The following RYR2 variants were observed in gnomAD, a reference collection of about 807,000 sequenced individuals.
RYR2 encodes ryanodine receptor 2.
Under a neutral mutation model 601.1 loss-of-function variants are expected in RYR2, and 227 were observed. The ratio of observed to expected loss-of-function variants is 0.38; its 90% CI spans 0.34 to 0.42. The LOEUF is 0.42. RYR2 is among the 10% of genes least tolerant of loss of function. RYR2 has a pLI of 1.00. For synonymous variants in RYR2, 2,223 were observed against 2,175.1 expected (o/e 1.02, Z -0.61); for missense variants, 4,646 against 6,156.5 (o/e 0.75, Z 8.21).
intron 6 of RYR2, among the ~76,000 whole-genome samples, chr1:237,372,674 G>A (rs1700731909): frequency 1.3e-5 from 2 of 152,184 alleles, no homozygotes; most frequent in Non-Finnish European, 2.9e-5. Context: ...TAATAAATGT[G>A]AGGGTTTCTT....
chr1:237,277,049 G>A (rs1048052842), intron 2 of RYR2, among the ~76,000 whole-genome samples: 12 of 152,070 alleles, frequency 7.9e-5, no homozygotes, highest in African/African-American at 2.7e-4. Context: ...ATAAACCAAT[G>A]TTGCATTAAA....
At chr1:237,234,861 T>G (rs1685393280) in intron 1 of RYR2, among the ~76,000 whole-genome samples, 1 of 152,190 alleles carries the variant, frequency 6.6e-6, no homozygotes, top group Admixed American at 6.5e-5. Context: ...GCTTCTGTCA[T>G]CAAGAAGCTT....
intron 1 of RYR2, among the ~76,000 whole-genome samples, chr1:237,253,287 G>A (rs900367593): frequency 6.6e-6 from 1 of 151,968 alleles, no homozygotes; most frequent in African/African-American, 2.4e-5. Flanking sequence ...AGTGACAGGT[G>A]AGTTACCTGG....
intron 9 of RYR2, among the ~76,000 whole-genome samples, chr1:237,387,728 T>C (rs1233765286): frequency 6.6e-6 from 1 of 152,224 alleles, no homozygotes; most frequent in East Asian, 1.9e-4. Flanking sequence ...TCATGCCTTA[T>C]AGCTGGAATA....
At chr1:237,216,475 T>G (rs1354346320) in intron 1 of RYR2, among the ~76,000 whole-genome samples, 1 of 152,150 alleles carries the variant, frequency 6.6e-6, no homozygotes, top group Non-Finnish European at 1.5e-5. Context: ...CGGTGGCTCA[T>G]GCCTGTAATC....
chr1:237,616,468 C>T (rs1205520651), intron 37 of RYR2, among the ~76,000 whole-genome samples: 1 of 152,126 alleles, frequency 6.6e-6, no homozygotes, highest in Admixed American at 6.6e-5. Flanking sequence ...TGATCTCATC[C>T]ATAACCCAGA....
intron 10 of RYR2, among the ~76,000 whole-genome samples, chr1:237,414,772 C>G (rs142148723): frequency 6.6e-6 from 1 of 152,288 alleles, no homozygotes; most frequent in East Asian, 1.9e-4. Flanking sequence ...TAGAACCTAT[C>G]TCTCCAATCT....
Position 237,601,943 on chromosome 1 carries a change from T to G in RYR2, c.4597-82T>G, listed in dbSNP as rs560201697. ...ATCTCTGGGCTCCTTCTGTAAAGTA[T>G]TCCTTTGTTGTTATAAAGAAAAACT... On this transcript the variant is annotated intron_variant, in intron 34 of 104. Transcript: ENST00000366574. 98 of 1,128,468 alleles carry G rather than the reference T, an allele frequency of 8.7e-5. No individual in the cohort carries two copies. In the South Asian group the frequency reaches 1.1e-3, roughly 13 times the overall value. 69.9% of individuals were successfully genotyped at this position (1,128,468 alleles called of 1,614,324 possible).
chr1:237,530,195 T>C (rs1462232455), intron 24 of RYR2, among the ~76,000 whole-genome samples: 4 of 151,858 alleles, frequency 2.6e-5, no homozygotes, highest in Non-Finnish European at 4.4e-5. Flanking sequence ...CCTGTAGTCC[T>C]GGCTACTTGG....
intron 12 of RYR2, among the ~76,000 whole-genome samples, chr1:237,436,697 A>T (rs1707416611): frequency 6.6e-6 from 1 of 151,448 alleles, no homozygotes; most frequent in Non-Finnish European, 1.5e-5. Context: ...GGCTATTAAG[A>T]AATCAATAAA....
intron 12 of RYR2, among the ~76,000 whole-genome samples, chr1:237,427,782 CAAAAAAAAA>C (rs57614793): frequency 3.6e-4 from 20 of 56,190 alleles, no homozygotes; most frequent in African/African-American, 1.3e-3. Flanking sequence ...GACTCTGCCT[CAAAAAAAAA>C]AAAAAAAAAA....
intron 1 of RYR2, among the ~76,000 whole-genome samples, chr1:237,269,713 T>G (rs1315683028): frequency 2.0e-5 from 3 of 152,194 alleles, no homozygotes; most frequent in African/African-American, 7.2e-5. Flanking sequence ...AGAAATTCAG[T>G]ACTTTGCCTC....
intron 67 of RYR2, among the ~76,000 whole-genome samples, chr1:237,706,663 T>C (rs1049500460): frequency 6.6e-6 from 1 of 152,118 alleles, no homozygotes; most frequent in African/African-American, 2.4e-5. Context: ...AAATGGCTTG[T>C]AGGTCATGAG....
chr1:237,220,397 T>C (rs938368174), intron 1 of RYR2, among the ~76,000 whole-genome samples: 2 of 152,210 alleles, frequency 1.3e-5, no homozygotes, highest in Non-Finnish European at 2.9e-5. Flanking sequence ...TGACCGGTGG[T>C]GTGCTGTTGG....
chr1:237,615,783 C>G (rs1678401098), intron 37 of RYR2, among the ~76,000 whole-genome samples: 1 of 152,142 alleles, frequency 6.6e-6, no homozygotes, highest in Admixed American at 6.5e-5. Context: ...GCATTAAATA[C>G]TCTGAAGGCA....
intron 91 of RYR2, among the ~76,000 whole-genome samples, chr1:237,787,597 CAA>C (rs778668137): frequency 0.013 from 814 of 60,362 alleles, 1 homozygote; most frequent in East Asian, 0.036. Flanking sequence ...GTCTCAAAAA[CAA>C]AAAAAAAAAA....
chr1:237,756,249 C>A, intron 80 of RYR2, 39 bp from the exon 81 acceptor site: 1 of 1,360,618 alleles, frequency 7.3e-7, no homozygotes, highest in Non-Finnish European at 1.1e-6. Context: ...GTTGTGCTTA[C>A]TGATACCCTC....
chr1:237,630,914 T>C (rs1559139981), intron 41 of RYR2, among the ~76,000 whole-genome samples: 1 of 152,174 alleles, frequency 6.6e-6, no homozygotes, highest in Non-Finnish European at 1.5e-5. Flanking sequence ...ATGAATCCTT[T>C]TAAGTATTTG....
intron 1 of RYR2, 164 bp from the exon 2 acceptor site, chr1:237,270,333 A>G: frequency 1.0e-6 from 1 of 981,554 alleles, no homozygotes; most frequent in South Asian, 1.4e-5. Context: ...TACGTGAGGG[A>G]TTGATTCCGT....
Sources: allele counts gnomAD v4.1 joint callset (sites outside exome capture counted in the v4.1 genomes callset), GRCh38; gene constraint gnomAD v4.1.1; transcripts MANE v1.5; gene names NCBI Gene and HGNC (gene_info 2026-07-23, HGNC 2026-07-21).